Variants in MCF2L2 observed in about 807,000 individuals in gnomAD.
MCF2L2 encodes the protein MCF.2 cell line derived transforming sequence-like 2, also known as probable guanine nucleotide exchange factor MCF2L2.
A neutral mutation model predicts 150.2 loss-of-function variants in MCF2L2; 102 were observed. The ratio of observed to expected loss-of-function variants is 0.68; its 90% CI spans 0.58 to 0.80. The LOEUF is 0.80. Ranked by LOEUF, MCF2L2 falls within the 30% of genes least tolerant of loss-of-function variation. The pLI is 0.00. For missense variants in MCF2L2, 1,256 were observed against 1,372.8 expected, an observed-to-expected ratio of 0.91 and a Z score of 1.34; for synonymous variants, 465 against 491.3, an observed-to-expected ratio of 0.95 and a Z score of 0.71.
At chr3:183,316,784 C>A (rs1017986352) in intron 7 of MCF2L2, among the ~76,000 whole-genome samples, 1 of 152,090 alleles carries the variant, frequency 6.6e-6, no homozygotes, top group Non-Finnish European at 1.5e-5. Flanking sequence ...CGGCTCACTG[C>A]AACCTCTGCC....
At chr3:183,301,898 T>G (rs1728868829) in intron 10 of MCF2L2, among the ~76,000 whole-genome samples, 1 of 152,212 alleles carries the variant, frequency 6.6e-6, no homozygotes, top group Non-Finnish European at 1.5e-5. Context: ...CTTAGATTTT[T>G]GGGAAGGTTT....
At chr3:183,379,985 G>A (rs545350761) in intron 2 of MCF2L2, among the ~76,000 whole-genome samples, 1 of 152,156 alleles carries the variant, frequency 6.6e-6, no homozygotes, top group Non-Finnish European at 1.5e-5. Flanking sequence ...CAGCACAAAT[G>A]AGAAGCACCT....
Position 183,270,369 on chromosome 3 carries a change from A to G in MCF2L2, c.1862+6503T>C. 1 of 1,614,204 alleles carries G rather than the reference A, an allele frequency of 6.2e-7. No homozygotes were observed. Among genetic ancestry groups the G allele is most frequent in the Non-Finnish European group, 8.5e-7 (1 of 1,180,040 alleles). ...TTGTCCACATGCCAAATTTCTTATG[A>G]CTGCTGATGATGACATATTTATTCA... On this transcript the variant is annotated intron_variant, in intron 15 of 29. Transcript: ENST00000328913. This position sits in a 1 kb window ranked among gnomAD's most constrained non-coding sequence, Gnocchi z 4.5.
rs1319248633 is a variant in MCF2L2, at chr3:183,197,447, C to G, written c.2885-2192G>C. ...CCTCACACCACATACAAATCAAAAA[C>G]AGAAACAAACAAACAAACAAACAAA... On this transcript the variant is annotated intron_variant, in intron 25 of 29. Transcript: ENST00000328913. This position sits in a 1 kb window ranked among gnomAD's most constrained non-coding sequence, Gnocchi z 4.5. Among the ~76,000 whole-genome samples the G allele has an allele frequency of 1.3e-5, 2 of 149,470 alleles. No individual in the cohort carries two copies. Among genetic ancestry groups the G allele is most frequent in the African/African-American group, 5.1e-5 (2 of 38,862 alleles).
In MCF2L2 at chr3:183,315,832, T is replaced by C. The variant is rs1253250439; in HGVS notation, c.753+2236A>G. Among the ~76,000 whole-genome samples, 11 of 152,206 alleles carry C rather than the reference T, an allele frequency of 7.2e-5. 1 individual carries two copies. In the South Asian group the frequency reaches 2.3e-3, roughly 32 times the overall value. On this transcript the variant is annotated intron_variant, in intron 7 of 29. Transcript: ENST00000328913. ...TACAGCAAGACCTGACTGGCTGGTTTTCACCCCCTAGTTATGTGTCCTTAT... is the reference window on the plus strand; with the variant it reads ...TACAGCAAGACCTGACTGGCTGGTTCTCACCCCCTAGTTATGTGTCCTTAT...
intron 5 of MCF2L2, among the ~76,000 whole-genome samples, chr3:183,334,979 C>A (rs988967016): frequency 6.6e-6 from 1 of 151,216 alleles, no homozygotes; most frequent in African/African-American, 2.4e-5. Context: ...GTGCAGCGTG[C>A]TGGTGGTGCG....
Position 183,267,241 on chromosome 3 carries a change from C to G in MCF2L2, c.1862+9631G>C, listed in dbSNP as rs1726238630. ...AAAAAAAAATGCTGGTTGTGGCTTC[C>G]TAAGTGGTGCGTGCAGTTTTCAAAT... On this transcript the variant is annotated intron_variant, in intron 15 of 29. Transcript: ENST00000328913. The surrounding 1 kb of genome is among the most constrained non-coding windows in gnomAD (Gnocchi z 5.5). Among the ~76,000 whole-genome samples the G allele has an allele frequency of 6.6e-6, 1 of 152,176 alleles. No homozygotes were observed. Among genetic ancestry groups the G allele is most frequent in the South Asian group, 2.1e-4 (1 of 4,832 alleles).
intron 27 of MCF2L2, among the ~76,000 whole-genome samples, chr3:183,184,223 G>T (rs1721621005): frequency 6.6e-6 from 1 of 152,166 alleles, no homozygotes; most frequent in African/African-American, 2.4e-5. Context: ...TCACCATATT[G>T]GTCAGGCTGG....
intron 1 of MCF2L2, among the ~76,000 whole-genome samples, chr3:183,405,518 T>C (rs1450185748): frequency 2.0e-5 from 3 of 152,212 alleles, no homozygotes; most frequent in Admixed American, 1.3e-4. Flanking sequence ...TGCATTCCTA[T>C]AGTTTTACCT....
chr3:183,216,947 T>G (rs2108657500), intron 21 of MCF2L2, among the ~76,000 whole-genome samples: 1 of 151,648 alleles, frequency 6.6e-6, no homozygotes, highest in African/African-American at 2.4e-5. Context: ...TAGCTCCTTT[T>G]AAATAGGCTT....
At chr3:183,212,736 T>G (rs1033689124) in intron 22 of MCF2L2, among the ~76,000 whole-genome samples, 1 of 151,376 alleles carries the variant, frequency 6.6e-6, no homozygotes, top group Non-Finnish European at 1.5e-5. Context: ...AGAGCCTGAG[T>G]CCAGAAATGA....
intron 1 of MCF2L2, among the ~76,000 whole-genome samples, chr3:183,412,357 C>A (rs1381985062): frequency 6.6e-6 from 1 of 152,050 alleles, no homozygotes; most frequent in Non-Finnish European, 1.5e-5. Flanking sequence ...TGCAGTGGTG[C>A]GATCTCAGCT....
intron 27 of MCF2L2, among the ~76,000 whole-genome samples, chr3:183,191,491 CAG>C (rs150806312): frequency 0.028 from 4,289 of 152,270 alleles, 198 homozygotes; most frequent in African/African-American, 0.098. Flanking sequence ...CCCGAAACCG[CAG>C]AGAGTGCCAA....
intron 4 of MCF2L2, among the ~76,000 whole-genome samples, chr3:183,341,210 G>A (rs1192298410): frequency 6.6e-6 from 1 of 152,212 alleles, no homozygotes; most frequent in African/African-American, 2.4e-5. Flanking sequence ...TCTGGAAGCT[G>A]AGATATTTAT....
Position 183,341,411 on chromosome 3 carries a change from C to A in MCF2L2, c.366+129G>T, listed in dbSNP as rs143932011. Reference sequence around the variant, plus strand: ...AGGAGATAGGGATGTGACATAACAGCACCTGTTACAAAGACCTTCCCAAAA... The same window carrying A: ...AGGAGATAGGGATGTGACATAACAGAACCTGTTACAAAGACCTTCCCAAAA... On this transcript the variant is annotated intron_variant, in intron 4 of 29. Coordinates refer to ENST00000328913, the MANE Select transcript of MCF2L2 (RefSeq NM_015078.4). The A allele has an allele frequency of 1.2e-3, 803 of 687,900 alleles. 1 individual carries two copies. The highest frequency in any genetic ancestry group is 9.1e-3 in the Middle Eastern group (27 of 2,956). 42.6% of individuals were successfully genotyped at this position (687,900 alleles called of 1,614,324 possible). A position where few individuals can be genotyped will look rare whatever the true frequency, so the allele number is the denominator to read the frequency against.
At chr3:183,229,944 C>T (rs1723487503) in intron 16 of MCF2L2, among the ~76,000 whole-genome samples, 163 bp from the exon 17 acceptor site, 1 of 152,138 alleles carries the variant, frequency 6.6e-6, no homozygotes, top group Non-Finnish European at 1.5e-5. Context: ...ATATCATTTT[C>T]CTCATGTGCC....
chr3:183,261,038 T>C (rs982544392), intron 15 of MCF2L2, among the ~76,000 whole-genome samples: 1 of 152,218 alleles, frequency 6.6e-6, no homozygotes, highest in Non-Finnish European at 1.5e-5. Context: ...AATGTAACAG[T>C]TGCAAAGATA....
At chr3:183,425,919 C>T (rs1490316080) in intron 1 of MCF2L2, among the ~76,000 whole-genome samples, 2 of 151,644 alleles carry the variant, frequency 1.3e-5, no homozygotes, top group Non-Finnish European at 2.9e-5. Flanking sequence ...CACACCATTG[C>T]ACTCCAGCCT....
chr3:183,336,189 T>G (rs1004545121), intron 5 of MCF2L2, among the ~76,000 whole-genome samples: 1 of 136,110 alleles, frequency 7.3e-6, no homozygotes, highest in Non-Finnish European at 1.5e-5. Context: ...TTATTCTAAG[T>G]AAACATAAAT....
Sources: allele counts gnomAD v4.1 joint callset (sites outside exome capture counted in the v4.1 genomes callset), GRCh38; gene constraint gnomAD v4.1.1; non-coding constraint Gnocchi (gnomAD v3.1); transcripts MANE v1.5; gene names NCBI Gene and HGNC (gene_info 2026-07-23, HGNC 2026-07-21).